Variants in WNT7A observed in about 807,000 individuals in gnomAD.
WNT7A encodes the protein Wnt family member 7A, also known as protein Wnt-7a.
In WNT7A, 16 loss-of-function variants were observed where a neutral mutation model predicts 28.2. The ratio of observed to expected loss-of-function variants is 0.57; its 90% CI spans 0.38 to 0.86. The LOEUF (loss-of-function observed/expected upper bound fraction) is 0.86. Ranked by LOEUF, WNT7A falls within the 40% of genes least tolerant of loss-of-function variation. The pLI is 0.00. For synonymous variants in WNT7A, 190 were observed against 195.9 expected (o/e 0.97, Z 0.25); for missense variants, 411 against 489.7 (o/e 0.84, Z 1.52).
intron 3 of WNT7A, among the ~76,000 whole-genome samples, chr3:13,848,573 G>A (rs1325964983): frequency 1.3e-5 from 2 of 152,174 alleles, no homozygotes; most frequent in Admixed American, 6.5e-5. Flanking sequence ...TTTAAAAACA[G>A]TGATGTCACC....
chr3:13,869,762 A>T (rs1398114018), intron 2 of WNT7A, among the ~76,000 whole-genome samples: 1 of 152,080 alleles, frequency 6.6e-6, no homozygotes, highest in African/African-American at 2.4e-5. Flanking sequence ...TCTAGAGGGA[A>T]GTGAAGGCCT....
chr3:13,829,953 A>G (rs1305365495), intron 3 of WNT7A, among the ~76,000 whole-genome samples: 2 of 151,988 alleles, frequency 1.3e-5, no homozygotes, highest in African/African-American at 4.8e-5. Flanking sequence ...CCCCTGTCCT[A>G]TTGCAAACAC....
At chr3:13,838,444 C>T (rs1694404308) in intron 3 of WNT7A, among the ~76,000 whole-genome samples, 1 of 152,240 alleles carries the variant, frequency 6.6e-6, no homozygotes, top group Non-Finnish European at 1.5e-5. Context: ...CTTCTTCAAG[C>T]CCCAGCTCTG....
chr3:13,860,308 G>A lies in WNT7A; in HGVS notation c.299-5505C>T, dbSNP rs115099875. Among the ~76,000 whole-genome samples, 1,339 of 152,186 alleles carry A rather than the reference G, an allele frequency of 8.8e-3. 23 individuals are homozygous for A. Among genetic ancestry groups the A allele is most frequent in the African/African-American group, 0.029 (1,221 of 41,518 alleles). ...CCAAGTTGGTCTGTGTCCTTCCTCA[G>A]CCCCACCCCAGCTCCCTTCCTGGCC... On this transcript the variant is annotated intron_variant, in intron 2 of 3. Transcript: ENST00000285018.
chr3:13,876,151 A>G (rs1381526519), intron 1 of WNT7A, among the ~76,000 whole-genome samples: 1 of 152,192 alleles, frequency 6.6e-6, no homozygotes, highest in Non-Finnish European at 1.5e-5. Flanking sequence ...CAGAACAGAG[A>G]TCTGAATTGC....
At chr3:13,842,478 T>C (rs114027832) in intron 3 of WNT7A, among the ~76,000 whole-genome samples, 2,299 of 152,096 alleles carry the variant, frequency 0.015, 60 homozygotes, top group African/African-American at 0.052. Flanking sequence ...TGCTGGTGAA[T>C]AGGACTCTGG....
chr3:13,859,389 T>C (rs1004928774), intron 2 of WNT7A, among the ~76,000 whole-genome samples: 2 of 152,184 alleles, frequency 1.3e-5, no homozygotes, highest in Non-Finnish European at 2.9e-5. Flanking sequence ...TCATCTGTTA[T>C]TAGCACCTAC....
chr3:13,870,096 C>A (rs1192049741), intron 2 of WNT7A, among the ~76,000 whole-genome samples: 2 of 152,192 alleles, frequency 1.3e-5, no homozygotes, highest in Admixed American at 6.5e-5. Flanking sequence ...TTCTGAGAGC[C>A]CGCCACACTC....
chr3:13,851,635 C>G (rs1435175481), intron 3 of WNT7A, among the ~76,000 whole-genome samples: 1 of 152,206 alleles, frequency 6.6e-6, no homozygotes, highest in Non-Finnish European at 1.5e-5. Flanking sequence ...TCTCACTAGA[C>G]TGAACGTCTA....
At chr3:13,848,067 T>TA (rs58146750) in intron 3 of WNT7A, among the ~76,000 whole-genome samples, 22 of 151,680 alleles carry the variant, frequency 1.5e-4, no homozygotes, top group African/African-American at 3.6e-4. Flanking sequence ...ATGAATTTTT[T>TA]AAAAAAAACA....
intron 1 of WNT7A, among the ~76,000 whole-genome samples, chr3:13,879,201 G>A (rs1695166705): frequency 6.6e-6 from 1 of 152,250 alleles, no homozygotes; most frequent in Admixed American, 6.5e-5. Flanking sequence ...CCGAGCGGCG[G>A]TTTATGTTTT....
chr3:13,862,621 A>C (rs139405143), intron 2 of WNT7A, among the ~76,000 whole-genome samples: 2 of 152,236 alleles, frequency 1.3e-5, no homozygotes, highest in East Asian at 3.8e-4. Context: ...AAGAGGAACC[A>C]GGGAGCCTCT....
At chr3:13,832,889 A>G (rs1694304574) in intron 3 of WNT7A, among the ~76,000 whole-genome samples, 1 of 152,068 alleles carries the variant, frequency 6.6e-6, no homozygotes, top group Admixed American at 6.5e-5. Context: ...TCTGAAACTC[A>G]GTGTTTGCCA....
intron 2 of WNT7A, among the ~76,000 whole-genome samples, chr3:13,857,521 T>C (rs951563429): frequency 6.6e-6 from 1 of 152,094 alleles, no homozygotes; most frequent in Non-Finnish European, 1.5e-5. Context: ...CAGAATCTCC[T>C]GGAAATTGAT....
At chr3:13,852,571 G>C (rs1280991356) in intron 3 of WNT7A, among the ~76,000 whole-genome samples, 1 of 152,188 alleles carries the variant, frequency 6.6e-6, no homozygotes, top group South Asian at 2.1e-4. Context: ...TCGCAAGAGG[G>C]GCTGGAACCC....
intron 2 of WNT7A, among the ~76,000 whole-genome samples, chr3:13,863,364 T>TTGAA (rs370625471): frequency 1.2e-4 from 19 of 152,128 alleles, no homozygotes; most frequent in African/African-American, 4.3e-4. Flanking sequence ...GCCTCAACAG[T>TTGAA]TGAATGAATG....
intron 2 of WNT7A, among the ~76,000 whole-genome samples, chr3:13,858,421 C>T (rs577309839): frequency 2.3e-4 from 35 of 152,292 alleles, no homozygotes; most frequent in African/African-American, 8.2e-4. Context: ...CAGTGGTGAC[C>T]GTCCCTGGGT....
chr3:13,821,556 G>A (rs932856418), intron 3 of WNT7A, among the ~76,000 whole-genome samples: 27 of 152,302 alleles, frequency 1.8e-4, no homozygotes, highest in South Asian at 8.3e-4. Context: ...AAACCACAGC[G>A]TGTGCATTTC....
chr3:13,836,705 G>T (rs1694375907), intron 3 of WNT7A, among the ~76,000 whole-genome samples: 1 of 152,240 alleles, frequency 6.6e-6, no homozygotes, highest in South Asian at 2.1e-4. Flanking sequence ...AGGAAGACTG[G>T]TCCAAAATAA....
Sources: gnomAD v4.1 joint callset for allele counts (sites outside exome capture counted in the v4.1 genomes callset) on GRCh38, gnomAD v4.1.1 for gene constraint, MANE v1.5 for transcripts, NCBI Gene and HGNC (gene_info 2026-07-23, HGNC 2026-07-21) for gene names.